The following SLCO1B3 variants were observed in gnomAD, a reference collection of about 807,000 sequenced individuals.
SLCO1B3 encodes liver-specific organic anion transporter 2.
Under a neutral mutation model 71.8 loss-of-function variants are expected in SLCO1B3, and 72 were observed. That is an observed-to-expected ratio of 1.00 (90% CI 0.83 to 1.22). The LOEUF is 1.22. Among genes scored for constraint, SLCO1B3 ranks in the 50% most tolerant of loss-of-function variants. The pLI, the probability that SLCO1B3 is intolerant of heterozygous loss-of-function variation, is 0.00. For missense variants in SLCO1B3, 911 were observed against 819.7 expected, an observed-to-expected ratio of 1.11 and a Z score of -1.36; for synonymous variants, 298 against 278.4, an observed-to-expected ratio of 1.07 and a Z score of -0.70.
intron 8 of SLCO1B3, among the ~76,000 whole-genome samples, chr12:20,874,364 T>G (rs906557484): frequency 3.3e-5 from 5 of 152,236 alleles, no homozygotes; most frequent in Admixed American, 2.6e-4. Context: ...ATGTATCTGG[T>G]TTTGTACTTT....
intron 1 of SLCO1B3, among the ~76,000 whole-genome samples, chr12:20,811,504 C>T (rs181998533): frequency 6.6e-6 from 1 of 152,292 alleles, no homozygotes; most frequent in Admixed American, 6.5e-5. Flanking sequence ...TCCCTTTTAT[C>T]CTCCTCAGTT....
chr12:20,907,201 C>A (rs1375869890), intron 15 of SLCO1B3, among the ~76,000 whole-genome samples: 1 of 152,082 alleles, frequency 6.6e-6, no homozygotes, highest in Non-Finnish European at 1.5e-5. Context: ...TGAAAACTCC[C>A]TGGATCTAAT....
chr12:20,843,504 A>G (rs1407307329), intron 3 of SLCO1B3, among the ~76,000 whole-genome samples: 1 of 152,110 alleles, frequency 6.6e-6, no homozygotes, highest in East Asian at 1.9e-4. Context: ...AGTATTATTC[A>G]TCCACGGGGC....
chr12:20,833,934 A>G (rs1171131967), intron 3 of SLCO1B3, among the ~76,000 whole-genome samples: 1 of 147,252 alleles, frequency 6.8e-6, no homozygotes, highest in African/African-American at 2.5e-5. Flanking sequence ...ACACATACAT[A>G]TGTACACATA....
At chr12:20,886,735 G>A (rs1865799000) in intron 13 of SLCO1B3, among the ~76,000 whole-genome samples, 1 of 151,968 alleles carries the variant, frequency 6.6e-6, no homozygotes, top group Non-Finnish European at 1.5e-5. Flanking sequence ...CATTTTTATG[G>A]ATTTAGAGAT....
At chr12:20,854,712 C>A (rs1865097315) in intron 3 of SLCO1B3, among the ~76,000 whole-genome samples, 1 of 152,146 alleles carries the variant, frequency 6.6e-6, no homozygotes, top group South Asian at 2.1e-4. Flanking sequence ...AAGAAAATAG[C>A]TCACCATCAT....
At chr12:20,855,817 A>AT in intron 4 of SLCO1B3, among the ~76,000 whole-genome samples, 1 of 151,544 alleles carries the variant, frequency 6.6e-6, no homozygotes, top group East Asian at 1.9e-4. Context: ...AAAAATTAAA[A>AT]TTTTTCTTAT....
chr12:20,853,636 A>G (rs1461380928), intron 3 of SLCO1B3, among the ~76,000 whole-genome samples: 1 of 151,964 alleles, frequency 6.6e-6, no homozygotes, highest in Non-Finnish European at 1.5e-5. Flanking sequence ...TATTTTAGCT[A>G]AAGGTCTCTC....
At chr12:20,887,405 A>C (rs2121326775) in intron 13 of SLCO1B3, among the ~76,000 whole-genome samples, 1 of 152,064 alleles carries the variant, frequency 6.6e-6, no homozygotes, top group Non-Finnish European at 1.5e-5. Flanking sequence ...TTGTAATAAT[A>C]GCTATCTTGA....
chr12:20,856,136 T>C (rs1190055156), intron 4 of SLCO1B3, among the ~76,000 whole-genome samples: 8 of 152,236 alleles, frequency 5.3e-5, no homozygotes, highest in Non-Finnish European at 1.2e-4. Context: ...GGAATGTTAT[T>C]AGTTTTAACG....
chr12:20,855,854 T>C (rs1326297795), intron 4 of SLCO1B3, among the ~76,000 whole-genome samples: 1 of 151,862 alleles, frequency 6.6e-6, no homozygotes, highest in Non-Finnish European at 1.5e-5. Context: ...TTATAGCCTC[T>C]GCTAATTTTC....
intron 2 of SLCO1B3, among the ~76,000 whole-genome samples, chr12:20,814,563 T>C (rs970825746): frequency 1.3e-5 from 2 of 152,194 alleles, no homozygotes; most frequent in Admixed American, 6.6e-5. Context: ...CTTACATTTA[T>C]ATTAAAAGAG....
At chr12:20,890,527 C>T (rs999273842) in intron 13 of SLCO1B3, among the ~76,000 whole-genome samples, 6 of 152,104 alleles carry the variant, frequency 3.9e-5, no homozygotes, top group Admixed American at 2.0e-4. Context: ...GTAAAATGTT[C>T]GTCAGATCCA....
intron 1 of SLCO1B3, among the ~76,000 whole-genome samples, chr12:20,813,139 A>G (rs751991851): frequency 1.3e-5 from 2 of 152,180 alleles, no homozygotes; most frequent in African/African-American, 2.4e-5. Context: ...CATATACATA[A>G]GTGATAATAT....
chr12:20,905,341 A>G (rs2120410858), intron 15 of SLCO1B3, among the ~76,000 whole-genome samples: 1 of 152,266 alleles, frequency 6.6e-6, no homozygotes. Flanking sequence ...TAACATTTGG[A>G]TCCTCTTTAC....
chr12:20,905,408 T>C (rs1221269732), intron 15 of SLCO1B3, among the ~76,000 whole-genome samples: 1 of 152,240 alleles, frequency 6.6e-6, no homozygotes, highest in East Asian at 1.9e-4. Context: ...GTTTTTCTTT[T>C]CTACCACGTG....
Position 20,901,357 on chromosome 12 carries a change from T to A in SLCO1B3, c.1755T>A (p.Ile585=). ...QSMVIRTLGG[I]LAPIYFGALI... ...TTTTATCTCATGTTGCAGGAGGAAT[T>A]CTAGCTCCAATATATTTTGGGGCTC... Residue 585 remains isoleucine, a synonymous_variant, in exon 15 of 16, where the codon ATT becomes ATA. Coordinates refer to ENST00000381545, the MANE Select transcript of SLCO1B3 (RefSeq NM_019844.4). 6.4e-7 allele frequency: 1 copy of A among 1,567,564 alleles called. No homozygotes were observed. Among genetic ancestry groups the A allele is most frequent in the Non-Finnish European group, 8.7e-7 (1 of 1,155,152 alleles).
intron 13 of SLCO1B3, among the ~76,000 whole-genome samples, chr12:20,884,567 G>A (rs1235183922): frequency 6.6e-6 from 1 of 152,072 alleles, no homozygotes; most frequent in Non-Finnish European, 1.5e-5. Context: ...GATGATGTTT[G>A]GAGAGTTGAG....
intron 14 of SLCO1B3, among the ~76,000 whole-genome samples, chr12:20,900,293 G>A (rs549561044): frequency 8.6e-5 from 13 of 151,748 alleles, no homozygotes; most frequent in South Asian, 4.2e-4. Flanking sequence ...AAAATGAATC[G>A]GTAAAACATT....
Sources: allele counts gnomAD v4.1 joint callset (sites outside exome capture counted in the v4.1 genomes callset), GRCh38; gene constraint gnomAD v4.1.1; transcripts MANE v1.5; gene names NCBI Gene and HGNC (gene_info 2026-07-23, HGNC 2026-07-21).